The following PPP2R3A variants were observed in gnomAD, a reference collection of about 807,000 sequenced individuals.
PPP2R3A encodes the protein serine/threonine-protein phosphatase 2A regulatory subunit B'' subunit alpha.
In PPP2R3A, 80 loss-of-function variants were observed where a neutral mutation model predicts 106.9. The observed-to-expected ratio is 0.75, with a 90% CI of 0.62 to 0.90. The LOEUF is 0.90. PPP2R3A is among the 40% of genes least tolerant of loss of function. PPP2R3A has a pLI of 0.00. For missense variants in PPP2R3A, 1,386 were observed against 1,350.4 expected (o/e 1.03, Z -0.41); for synonymous variants, 483 against 468.3 (o/e 1.03, Z -0.41).
chr3:136,102,032 G>A lies in PPP2R3A; in HGVS notation c.2953G>A (p.Asp985Asn), dbSNP rs1265629225. The change falls in exon 11 of 14, where the codon GAT becomes AAT. Residue 985 changes from aspartate (D) to asparagine (N), a missense_variant. By Grantham distance (23) the Asp-to-Asn change is conservative. Transcript: ENST00000264977. ...TSIEYWFRCM[D>N]VDGDGVLSMY... ...CATTGAGTATTGGTTCCGCTGCATG[G>A]ATGTGGATGGAGACGGTGTACTCTC... is the stretch of plus-strand genomic sequence containing the variant. 2 of 1,613,902 alleles carry A rather than the reference G, an allele frequency of 1.2e-6. No individual in the cohort carries two copies. Among genetic ancestry groups the A allele is most frequent in the South Asian group, 1.1e-5 (1 of 91,068 alleles).
intron 10 of PPP2R3A, among the ~76,000 whole-genome samples, chr3:136,091,625 A>AG (rs2107947843): frequency 6.6e-6 from 1 of 152,328 alleles, no homozygotes; most frequent in South Asian, 2.1e-4. Context: ...CTCTAAAAAA[A>AG]TAAATGTTGA....
At chr3:136,023,316 A>G (rs1934530476) in intron 2 of PPP2R3A, 2 of 840,654 alleles carry the variant, frequency 2.4e-6, no homozygotes, top group South Asian at 3.6e-5. Flanking sequence ...GCTCCCTTGT[A>G]TCTTGATATT....
intron 13 of PPP2R3A, among the ~76,000 whole-genome samples, chr3:136,140,144 T>A (rs1938798948): frequency 6.6e-6 from 1 of 152,028 alleles, no homozygotes; most frequent in Admixed American, 6.5e-5. Flanking sequence ...AGAAAACACC[T>A]AATAAAATAA....
intron 13 of PPP2R3A, among the ~76,000 whole-genome samples, chr3:136,126,876 C>A (rs1448881706): frequency 6.6e-6 from 1 of 152,194 alleles, no homozygotes; most frequent in Non-Finnish European, 1.5e-5. Context: ...CAAACAGAGT[C>A]TGGAGTGGAC....
At chr3:135,975,117 A>G (rs1271518499) in intron 1 of PPP2R3A, among the ~76,000 whole-genome samples, 1 of 152,158 alleles carries the variant, frequency 6.6e-6, no homozygotes, top group Non-Finnish European at 1.5e-5. Context: ...GTATTCTTCT[A>G]GTAGAAGGTT....
At chr3:135,984,049 C>A (rs1032211739) in intron 1 of PPP2R3A, among the ~76,000 whole-genome samples, 5 of 152,098 alleles carry the variant, frequency 3.3e-5, no homozygotes, top group African/African-American at 4.8e-5. Flanking sequence ...CCTTTTTGTT[C>A]ATCCTATCCA....
chr3:136,099,402 A>G (rs866805378), intron 10 of PPP2R3A, among the ~76,000 whole-genome samples: 1 of 152,202 alleles, frequency 6.6e-6, no homozygotes, highest in Non-Finnish European at 1.5e-5. Flanking sequence ...CAGAGAAAAT[A>G]AAACATTACA....
chr3:136,088,151 A>G (rs1433815309), intron 9 of PPP2R3A, among the ~76,000 whole-genome samples: 1 of 152,118 alleles, frequency 6.6e-6, no homozygotes. Flanking sequence ...GTCACATGGG[A>G]ACACTGGGTG....
chr3:136,133,955 G>A (rs1166391102), intron 13 of PPP2R3A, among the ~76,000 whole-genome samples: 2 of 149,812 alleles, frequency 1.3e-5, no homozygotes, highest in Non-Finnish European at 3.0e-5. Context: ...TAAAATCTAT[G>A]GTATGTAAAT....
chr3:136,096,692 C>T (rs1014275405), intron 10 of PPP2R3A, among the ~76,000 whole-genome samples: 19 of 152,214 alleles, frequency 1.2e-4, no homozygotes, highest in Admixed American at 5.2e-4. Context: ...TTAATTACTG[C>T]CTAAGCAATA....
intron 4 of PPP2R3A, among the ~76,000 whole-genome samples, chr3:136,042,716 C>T (rs548784294): frequency 6.6e-6 from 1 of 152,318 alleles, no homozygotes; most frequent in Non-Finnish European, 1.5e-5. Flanking sequence ...GCAACTATCC[C>T]TGTCTTTTTT....
chr3:136,137,145 A>G (rs1938652206), intron 13 of PPP2R3A, among the ~76,000 whole-genome samples: 2 of 152,220 alleles, frequency 1.3e-5, no homozygotes, highest in South Asian at 2.1e-4. Context: ...AATGGAGTAC[A>G]TTAAAAACAC....
chr3:136,137,621 A>C (rs1938679102), intron 13 of PPP2R3A, among the ~76,000 whole-genome samples: 2 of 136,778 alleles, frequency 1.5e-5, no homozygotes, highest in Non-Finnish European at 3.0e-5. Context: ...CGCTCACTGC[A>C]AGCTCCGCCT....
At chr3:136,119,045 A>C (rs1261988023) in intron 13 of PPP2R3A, among the ~76,000 whole-genome samples, 1 of 152,142 alleles carries the variant, frequency 6.6e-6, no homozygotes. Context: ...GGAACAGAAC[A>C]GAGGCCTCAG....
At chr3:136,049,047 C>G (rs1330425006) in intron 4 of PPP2R3A, among the ~76,000 whole-genome samples, 1 of 152,172 alleles carries the variant, frequency 6.6e-6, no homozygotes, top group Non-Finnish European at 1.5e-5. Context: ...CATGCTGAGA[C>G]CCCTGGAAGG....
intron 6 of PPP2R3A, among the ~76,000 whole-genome samples, chr3:136,074,258 T>A (rs991480662): frequency 6.6e-6 from 1 of 152,232 alleles, no homozygotes; most frequent in African/African-American, 2.4e-5. Context: ...ATTGAAAATC[T>A]ATGTTACAGG....
At chr3:136,049,923 T>TAG (rs992670400) in intron 5 of PPP2R3A, among the ~76,000 whole-genome samples, 3 of 151,866 alleles carry the variant, frequency 2.0e-5, no homozygotes, top group African/African-American at 7.3e-5. Flanking sequence ...AGAGGATAAC[T>TAG]AGAATCAAGT....
intron 3 of PPP2R3A, among the ~76,000 whole-genome samples, chr3:136,037,753 G>A (rs150317920): frequency 4.8e-4 from 73 of 152,290 alleles, no homozygotes; most frequent in African/African-American, 1.7e-3. Flanking sequence ...TGTATCATTA[G>A]ACAACCTTGC....
intron 5 of PPP2R3A, among the ~76,000 whole-genome samples, chr3:136,056,481 TAA>T (rs58363811): frequency 6.7e-6 from 1 of 149,368 alleles, no homozygotes; most frequent in Non-Finnish European, 1.5e-5. Context: ...AAAACTATTC[TAA>T]AAAAAAAAAA....
Sources: allele counts gnomAD v4.1 joint callset (sites outside exome capture counted in the v4.1 genomes callset), GRCh38; gene constraint gnomAD v4.1.1; transcripts MANE v1.5; gene names NCBI Gene and HGNC (gene_info 2026-07-23, HGNC 2026-07-21).